TRAP1: variants seen among roughly 807,000 people sequenced by gnomAD.
TRAP1 encodes TNF receptor associated protein 1.
TRAP1 carries 102 observed loss-of-function variants against 89.1 expected under a neutral mutation model. The observed-to-expected ratio is 1.15, with a 90% confidence interval of 0.98 to 1.35. The LOEUF is 1.35. Among genes scored for constraint, TRAP1 ranks in the 40% most tolerant of loss-of-function variants. The probability of loss-of-function intolerance (pLI) is 0.00; values close to 1 mark genes in which losing one functional copy is unlikely to be tolerated. For synonymous variants in TRAP1, 508 were observed against 388.0 expected (o/e 1.31, Z -3.64); for missense variants, 1,256 against 945.3 (o/e 1.33, Z -4.31).
chr16:3,700,524 T>G (rs962166408), intron 1 of TRAP1, among the ~76,000 whole-genome samples: 1 of 152,046 alleles, frequency 6.6e-6, no homozygotes. Context: ...TGGAGTGCAC[T>G]GGCACAATCT....
At chr16:3,662,266 C>T (rs748125202) in intron 15 of TRAP1, 134 bp from the exon 16 acceptor site, 21 of 1,058,526 alleles carry the variant, frequency 2.0e-5, no homozygotes, top group Non-Finnish European at 2.8e-5. Context: ...TGGACCAGCG[C>T]TGCTCCCTCC....
chr16:3,662,076 AG>A lies in TRAP1; in HGVS notation c.1850del (p.Ala617ValfsTer38). The part of the protein sequence containing the change: ...PAMVTVLEMG[A>X]ARHFLRMQQL... ...GCTGCATGCGCAGGAAGTGGCGGGC[AG>A]CCCCCATCTCCAGCACGGTGACCAT... On this transcript the variant is annotated frameshift_variant, in exon 16 of 18. Transcript: ENST00000246957. LOFTEE classifies it high-confidence loss of function. 1 of 1,613,258 alleles carries A rather than the reference AG, an allele frequency of 6.2e-7. No individual in the cohort carries two copies. Among genetic ancestry groups the A allele is most frequent in the Non-Finnish European group, 8.5e-7 (1 of 1,179,920 alleles).
At chr16:3,687,791 C>A (rs972574029) in intron 3 of TRAP1, among the ~76,000 whole-genome samples, 3 of 147,754 alleles carry the variant, frequency 2.0e-5, no homozygotes, top group African/African-American at 7.5e-5. Context: ...GAGGTTGCAG[C>A]GAGCCGAGAT....
chr16:3,686,245 A>G (rs2051137268), intron 3 of TRAP1, 109 bp from the exon 4 acceptor site: 6 of 1,288,382 alleles, frequency 4.7e-6, no homozygotes, highest in Middle Eastern at 1.9e-4. Context: ...GAGAATAGTC[A>G]ATTCTCAAAG....
chr16:3,666,021 C>T lies in TRAP1; in HGVS notation c.1333G>A (p.Gly445Ser), dbSNP rs367761010. 3.4e-4 allele frequency: 541 copies of T among 1,613,972 alleles called. 2 individuals are homozygous for T. Among genetic ancestry groups the T allele is most frequent in the Non-Finnish European group, 4.2e-4 (490 of 1,180,022 alleles). ...EKYAKFFEDYGLFMREGIVTA... is the reference protein window; with the variant it reads ...EKYAKFFEDYSLFMREGIVTA... The stretch of plus-strand genomic sequence containing the variant: ...ACAATGCCCTCCCGCATGAACAGGC[C>T]GTAATCTTCAAAAAACTTTGCATAC... The change falls in exon 12 of 18, where the codon GGC (glycine) becomes AGC (serine). Residue 445 changes from glycine to serine, a missense_variant. Transcript: ENST00000246957.
At chr16:3,667,582 G>A (rs369961072) in intron 11 of TRAP1, among the ~76,000 whole-genome samples, 12 of 150,944 alleles carry the variant, frequency 7.9e-5, no homozygotes, top group African/African-American at 1.5e-4. Context: ...CCAATACCTC[G>A]CCACTGCACT....
intron 3 of TRAP1, among the ~76,000 whole-genome samples, chr16:3,688,698 G>A (rs2051171265): frequency 6.6e-6 from 1 of 152,068 alleles, no homozygotes; most frequent in African/African-American, 2.4e-5. Flanking sequence ...TGACCAGGCT[G>A]GTCTCAAACT....
chr16:3,691,153 G>C (rs965872567), intron 1 of TRAP1, 168 bp from the exon 2 acceptor site: 1 of 558,478 alleles, frequency 1.8e-6, no homozygotes, highest in Non-Finnish European at 2.8e-6. Context: ...TCAGGGTGTG[G>C]TTTTGGCAAG....
At chr16:3,687,650 G>A (rs762735542) in intron 3 of TRAP1, among the ~76,000 whole-genome samples, 4 of 152,076 alleles carry the variant, frequency 2.6e-5, no homozygotes, top group Non-Finnish European at 5.9e-5. Context: ...TTGGGAGGCT[G>A]AAACAGGCAG....
intron 1 of TRAP1, among the ~76,000 whole-genome samples, chr16:3,714,154 C>A (rs1358027161): frequency 6.6e-6 from 1 of 152,212 alleles, no homozygotes; most frequent in East Asian, 1.9e-4. Flanking sequence ...TACCCTGGGG[C>A]AAGCAGCTCT....
intron 1 of TRAP1, among the ~76,000 whole-genome samples, chr16:3,707,036 T>C (rs1043020784): frequency 3.3e-5 from 5 of 152,130 alleles, no homozygotes; most frequent in African/African-American, 9.7e-5. Context: ...ATCCATTTTG[T>C]ATCACCTGTT....
chr16:3,716,008 G>A lies in TRAP1; in HGVS notation c.88+1413C>T, dbSNP rs182888363. Among the ~76,000 whole-genome samples, 1,072 of 152,136 alleles carry A rather than the reference G, an allele frequency of 7.0e-3. 7 individuals are homozygous for A. Among genetic ancestry groups the A allele is most frequent in the Non-Finnish European group, 0.012 (818 of 68,014 alleles). On this transcript the variant is annotated intron_variant, in intron 1 of 17. Transcript: ENST00000246957. ...CTCCCAAGAAGCTGGGATTACAGGC[G>A]CGCGCCACCACACCCAGCTAATTTT...
At chr16:3,663,256 C>T in intron 14 of TRAP1, 168 bp downstream of exon 14, 1 of 876,830 alleles carries the variant, frequency 1.1e-6, no homozygotes, top group Non-Finnish European at 1.7e-6. Flanking sequence ...ATATCTAAAC[C>T]AGGAGGCACC....
chr16:3,680,480 G>C (rs191200760), intron 4 of TRAP1, among the ~76,000 whole-genome samples: 2 of 152,374 alleles, frequency 1.3e-5, no homozygotes, highest in Admixed American at 1.3e-4. Flanking sequence ...CAATCCAGCA[G>C]AATGATCTGA....
At chr16:3,662,723 C>T in intron 15 of TRAP1, 159 bp downstream of exon 15, 1 of 725,782 alleles carries the variant, frequency 1.4e-6, no homozygotes, top group South Asian at 1.5e-5. Flanking sequence ...TCCCGAGCAA[C>T]ACGTGCCGAG....
chr16:3,672,844 T>C lies in TRAP1; in HGVS notation c.1045-24A>G, dbSNP rs767613912. The C allele has an allele frequency of 1.9e-6, 3 of 1,606,828 alleles. No homozygotes were observed. The African/African-American group carries it at 4.0e-5, about 21-fold the overall frequency. On this transcript the variant is annotated intron_variant, in intron 9 of 17. Coordinates refer to ENST00000246957, the MANE Select transcript of TRAP1 (RefSeq NM_016292.3). ...TTCTGGGGGTGAGGAGAACACGCCA[T>C]CATGCAGCACTGACCCTCCCCAGGC...
At chr16:3,695,812 T>C (rs1218570502) in intron 1 of TRAP1, among the ~76,000 whole-genome samples, 1 of 152,158 alleles carries the variant, frequency 6.6e-6, no homozygotes. Context: ...GATTTACGCA[T>C]GTGCCAAGAT....
At position 3,658,132 on chromosome 16, in the gene TRAP1, G is replaced by A. The variant is rs1259590722; in HGVS notation, c.2112C>T (p.His704=). The A allele has an allele frequency of 1.2e-6, 2 of 1,613,980 alleles. No individual in the cohort carries two copies. Among genetic ancestry groups the A allele is most frequent in the Admixed American group, 1.7e-5 (1 of 60,014 alleles). The change falls in exon 18 of 18, where the codon CAC becomes CAT. Residue 704 remains histidine (H), a synonymous_variant. Transcript: ENST00000246957. ...AGTCCTTCTGGCCCCCTGGCTGTCA[G>A]TGTCGCTCCAGGGCCTTGACAAGCA... ...NELLVKALER[H]
intron 12 of TRAP1, among the ~76,000 whole-genome samples, chr16:3,665,639 C>A (rs1173586515): frequency 6.6e-6 from 1 of 152,206 alleles, no homozygotes; most frequent in Non-Finnish European, 1.5e-5. Flanking sequence ...CTTGTCCCAC[C>A]TGTCTGTGGC....
Sources: gnomAD v4.1 joint callset for allele counts (sites outside exome capture counted in the v4.1 genomes callset) on GRCh38, gnomAD v4.1.1 for gene constraint, MANE v1.5 for transcripts, NCBI Gene and HGNC (gene_info 2026-07-23, HGNC 2026-07-21) for gene names.